The following SLC25A3 variants were observed in gnomAD, a reference collection of about 807,000 sequenced individuals.
The protein encoded by SLC25A3 is phosphate transport protein.
SLC25A3 carries 14 observed loss-of-function variants against 37.1 expected under a neutral mutation model. The observed-to-expected ratio is 0.38, with a 90% CI of 0.25 to 0.59. The LOEUF (loss-of-function observed/expected upper bound fraction) is 0.59, where lower values mean the gene tolerates loss of function less well. Ranked by LOEUF, SLC25A3 falls within the 20% of genes least tolerant of loss-of-function variation. SLC25A3 has a pLI of 0.67. For synonymous variants in SLC25A3, 161 were observed against 168.7 expected (o/e 0.95, Z 0.36); for missense variants, 385 against 458.1 (o/e 0.84, Z 1.46).
At chr12:98,597,710 C>G in intron 3 of SLC25A3, 146 bp from the exon 4 acceptor site, 1 of 1,126,366 alleles carries the variant, frequency 8.9e-7, no homozygotes, top group Non-Finnish European at 1.2e-6. Context: ...AGATGTGAGC[C>G]ACCGTGCCTG....
intron 5 of SLC25A3, chr12:98,599,494 T>C (rs1565831349): frequency 7.5e-6 from 3 of 401,064 alleles, no homozygotes; most frequent in Non-Finnish European, 1.4e-5. Flanking sequence ...TGGACTGAGT[T>C]TTTTTTTTTT....
chr12:98,595,368 A>T (rs2097592114), intron 2 of SLC25A3: 1 of 1,578,748 alleles, frequency 6.3e-7, no homozygotes, highest in Admixed American at 1.7e-5. Context: ...ATTTTCTTTC[A>T]TTCCAGTGGC....
At chr12:98,600,169 A>T (rs1276115803) in intron 6 of SLC25A3, 42 bp downstream of exon 6, 6 of 1,285,502 alleles carry the variant, frequency 4.7e-6, no homozygotes, top group Non-Finnish European at 6.8e-6. Flanking sequence ...ATTATGAACA[A>T]ATAATCATTT....
Position 98,594,095 on chromosome 12 carries a change from GC to G in SLC25A3, c.121del (p.Arg41AlafsTer33). The G allele has an allele frequency of 6.2e-7, 1 of 1,611,556 alleles. No individual in the cohort carries two copies. The highest frequency in any genetic ancestry group is 8.5e-7 in the Non-Finnish European group (1 of 1,179,276). On this transcript the variant is annotated frameshift_variant, in exon 2 of 8. Transcript: ENST00000552981. LOFTEE classifies it high-confidence loss of function. ...RSSSPGPTGQ[P>X]RRPRNLAAAA... ...GCAGCTCCCCAGGGCCCACGGGCCA[GC>G]CCCGCCGCCCTCGCAACCTGGCAGC...
At position 98,603,561 on chromosome 12, in the gene SLC25A3, A is replaced by G. The variant is rs966045972; in HGVS notation, c.*2033A>G. 3.9e-5 allele frequency: 6 copies of G among 152,220 alleles called. No individual in the cohort carries two copies. The highest frequency in any genetic ancestry group is 5.9e-5 in the Non-Finnish European group (4 of 68,054). 9.4% of individuals were successfully genotyped at this position (152,220 alleles called of 1,614,324 possible). On this transcript the variant is annotated 3_prime_UTR_variant, in exon 8 of 8. Transcript: ENST00000552981. The stretch of plus-strand genomic sequence containing the variant: ...CAGTAGAAACGCATTAGTCCAGCCA[A>G]CGTGAAAGTGGACCGTAGATCTAAA...
In SLC25A3 at chr12:98,602,380, T is replaced by A. The variant is rs1199893431; in HGVS notation, c.*852T>A. 6.6e-6 allele frequency: 1 copy of A among 152,216 alleles called. No homozygotes were observed. Among genetic ancestry groups the A allele is most frequent in the Non-Finnish European group, 1.5e-5 (1 of 68,070 alleles). The allele number at this position is 152,216 out of a possible 1,614,324, so 9.4% of individuals were successfully genotyped here. ...GGTTTCCCTGTGTTGGTCAGGCTGG[T>A]CTCGAACTTCCAACCTCAGGTGATC... On this transcript the variant is annotated 3_prime_UTR_variant, in exon 8 of 8. Transcript: ENST00000552981.
Position 98,604,801 on chromosome 12 carries a change from C to A in SLC25A3, c.*3273C>A. 1.3e-5 allele frequency: 2 copies of A among 152,448 alleles called. No homozygotes were observed. Among genetic ancestry groups the A allele is most frequent in the South Asian group, 4.1e-4 (2 of 4,864 alleles). 9.4% of individuals were successfully genotyped at this position (152,448 alleles called of 1,614,324 possible). The stretch of plus-strand genomic sequence containing the variant: ...TATTTTTGAGAAGGTCTTGCTCTGT[C>A]GCCAGACTGGAGTGCAGTGGCACGA... On this transcript the variant is annotated 3_prime_UTR_variant, in exon 8 of 8. Transcript: ENST00000552981.
rs1204135733 is a variant in SLC25A3, at chr12:98,600,942, G to A, written c.815-229G>A. 20 of 458,096 alleles carry A rather than the reference G, an allele frequency of 4.4e-5. No homozygotes were observed. In the South Asian group the frequency reaches 4.4e-4, roughly 10 times the overall value. The allele number at this position is 458,096 out of a possible 1,614,324, so 28.4% of individuals were successfully genotyped here. ...ACTGTTGCACCATTTTTTTGTTGTT[G>A]TTTATTAAGAATTTTATACAGAAAG... On this transcript the variant is annotated intron_variant, in intron 6 of 7. Coordinates refer to ENST00000552981, the MANE Select transcript of SLC25A3 (RefSeq NM_002635.4).
chr12:98,594,273 C>T (rs1210919254), intron 2 of SLC25A3, 138 bp downstream of exon 2: 2 of 765,884 alleles, frequency 2.6e-6, no homozygotes, highest in Non-Finnish European at 4.5e-6. Flanking sequence ...AGTTGCTTGC[C>T]CTGGGGTATC....
At position 98,593,959 on chromosome 12, in the gene SLC25A3, C is replaced by A; in HGVS notation, c.-4-16C>A. ...CGCCTTGCCTGTCCTCTAACCGTCG[C>A]TCCCTCCTCCCCTAGAAAGATGTTC... On this transcript the variant is annotated splice_polypyrimidine_tract_variant and intron_variant, in intron 1 of 7. Coordinates refer to ENST00000552981, the MANE Select transcript of SLC25A3 (RefSeq NM_002635.4). 7 of 1,613,818 alleles carry A rather than the reference C, an allele frequency of 4.3e-6. No individual in the cohort carries two copies. Among genetic ancestry groups the A allele is most frequent in the Non-Finnish European group, 5.9e-6 (7 of 1,179,874 alleles).
intron 2 of SLC25A3, chr12:98,595,208 T>A (rs549407158): frequency 2.4e-5 from 13 of 550,956 alleles, no homozygotes; most frequent in Non-Finnish European, 2.9e-5. Context: ...TTTAAAAAAA[T>A]TAATATGGCA....
chr12:98,594,626 C>T (rs1445499877), intron 2 of SLC25A3: 1 of 474,476 alleles, frequency 2.1e-6, no homozygotes, highest in Non-Finnish European at 3.8e-6. Flanking sequence ...GTCCTGTTTT[C>T]GTGCGACTGG....
intron 2 of SLC25A3, chr12:98,594,572 A>G (rs1049330485): frequency 1.2e-5 from 7 of 580,150 alleles, no homozygotes; most frequent in African/African-American, 3.8e-5. Flanking sequence ...TGTCGACGCC[A>G]GGTCAGTCAT....
At chr12:98,600,603 G>A (rs1020123129) in intron 6 of SLC25A3, among the ~76,000 whole-genome samples, 5 of 137,312 alleles carry the variant, frequency 3.6e-5, no homozygotes, top group African/African-American at 1.1e-4. Context: ...TAGTAGAGAC[G>A]GTTTCACTAT....
At chr12:98,598,276 T>G (rs1187718740) in intron 4 of SLC25A3, 20 of 701,246 alleles carry the variant, frequency 2.9e-5, no homozygotes, top group Non-Finnish European at 4.2e-5. Context: ...TTGAGTTTTT[T>G]AGAGAAGGGC....
At chr12:98,596,691 T>C (rs1177822404) in intron 3 of SLC25A3, among the ~76,000 whole-genome samples, 1 of 152,208 alleles carries the variant, frequency 6.6e-6, no homozygotes, top group Non-Finnish European at 1.5e-5. Context: ...AATACAGTTA[T>C]ATCTATTATC....
chr12:98,594,371 C>T (rs1048921456), intron 2 of SLC25A3: 1 of 701,414 alleles, frequency 1.4e-6, no homozygotes, highest in African/African-American at 1.7e-5. Flanking sequence ...TTCGTGACCT[C>T]CGTGTGCCCG....
At chr12:98,600,989 C>A in intron 6 of SLC25A3, 182 bp from the exon 7 acceptor site, 1 of 609,516 alleles carries the variant, frequency 1.6e-6, no homozygotes, top group Non-Finnish European at 2.7e-6. Context: ...ATCTGAAAAA[C>A]TTTAAAAGAT....
chr12:98,596,922 G>C (rs2097593481), intron 3 of SLC25A3, among the ~76,000 whole-genome samples: 1 of 152,130 alleles, frequency 6.6e-6, no homozygotes, highest in Non-Finnish European at 1.5e-5. Context: ...GGGAGGCTGA[G>C]GCAGGAGAAT....
Sources: allele counts gnomAD v4.1 joint callset (sites outside exome capture counted in the v4.1 genomes callset), GRCh38; gene constraint gnomAD v4.1.1; transcripts MANE v1.5; gene names NCBI Gene and HGNC (gene_info 2026-07-23, HGNC 2026-07-21).